The following CHCHD3 variants were observed in gnomAD, a reference collection of about 807,000 sequenced individuals.
CHCHD3 encodes MICOS complex subunit MIC19.
A neutral mutation model predicts 38.2 loss-of-function variants in CHCHD3; 20 were observed. The observed-to-expected ratio is 0.52, with a 90% CI of 0.37 to 0.76. The LOEUF is 0.76. Ranked by LOEUF, CHCHD3 falls within the 30% of genes least tolerant of loss-of-function variation. The probability of loss-of-function intolerance (pLI) is 0.00; values close to 1 mark genes in which losing one functional copy is unlikely to be tolerated. For synonymous variants in CHCHD3, 82 were observed against 100.0 expected (o/e 0.82, Z 1.07); for missense variants, 245 against 279.2 (o/e 0.88, Z 0.87).
intron 4 of CHCHD3, among the ~76,000 whole-genome samples, chr7:132,919,454 C>T (rs184738188): frequency 8.0e-4 from 122 of 152,266 alleles, no homozygotes; most frequent in Middle Eastern, 3.4e-3. Flanking sequence ...AATTGTCTGC[C>T]TTTCCTTGAC....
intron 6 of CHCHD3, chr7:132,813,381 A>G (rs1320631367): frequency 1.3e-5 from 2 of 152,238 alleles, no homozygotes; most frequent in African/African-American, 4.8e-5. Context: ...CACAGGATCT[A>G]GCATCTAAAA....
intron 2 of CHCHD3, among the ~76,000 whole-genome samples, chr7:133,026,577 T>A (rs1178202272): frequency 1.3e-5 from 2 of 152,178 alleles, no homozygotes; most frequent in Admixed American, 6.5e-5. Context: ...CATACATGAG[T>A]ATTTACAGTG....
intron 3 of CHCHD3, among the ~76,000 whole-genome samples, chr7:132,978,086 C>G (rs1396736826): frequency 6.6e-6 from 1 of 152,046 alleles, no homozygotes; most frequent in Admixed American, 6.6e-5. Flanking sequence ...AGTGTAATAC[C>G]TACCTTACAG....
At position 132,805,133 on chromosome 7, in the gene CHCHD3, C is replaced by T. The variant is rs541020240; in HGVS notation, c.525-8556G>A. On this transcript the variant is annotated intron_variant, in intron 6 of 7. Coordinates refer to ENST00000262570, the MANE Select transcript of CHCHD3 (RefSeq NM_017812.4). Reference sequence around the variant, plus strand: ...CTAGGAAGGGGGAGTAAAGGATGTGCAGGAACAAAGGGGAGGGGAGAGAAT... The same window carrying T: ...CTAGGAAGGGGGAGTAAAGGATGTGTAGGAACAAAGGGGAGGGGAGAGAAT... Among the ~76,000 whole-genome samples the T allele has an allele frequency of 5.9e-5, 9 of 152,244 alleles. No homozygotes were observed. The South Asian group carries it at 1.9e-3, about 32-fold the overall frequency.
intron 4 of CHCHD3, among the ~76,000 whole-genome samples, chr7:132,937,904 TAA>T (rs1234135669): frequency 1.3e-5 from 2 of 152,230 alleles, no homozygotes; most frequent in Non-Finnish European, 2.9e-5. Flanking sequence ...TTTCATTTGT[TAA>T]AAGACATTTC....
At chr7:132,873,205 C>T (rs1808808322) in intron 5 of CHCHD3, among the ~76,000 whole-genome samples, 1 of 151,998 alleles carries the variant, frequency 6.6e-6, no homozygotes, top group South Asian at 2.1e-4. Flanking sequence ...GAGGGAGAGG[C>T]CATTGGTGAG....
At position 132,800,606 on chromosome 7, in the gene CHCHD3, T is replaced by TA. The variant is rs1289933009; in HGVS notation, c.525-4030dup. Among the ~76,000 whole-genome samples, 13 of 152,246 alleles carry TA rather than the reference T, an allele frequency of 8.5e-5. No homozygotes were observed. In the East Asian group the frequency reaches 2.1e-3, roughly 25 times the overall value. ...TCACACCACTCTCCACTCAGAAGGC[T>TA]AAAAAAATCATGTAATGACAATCAG... is the stretch of plus-strand genomic sequence containing the variant. On this transcript the variant is annotated intron_variant, in intron 6 of 7. Coordinates refer to ENST00000262570, the MANE Select transcript of CHCHD3 (RefSeq NM_017812.4).
chr7:132,840,819 G>A (rs1348502612), intron 5 of CHCHD3, among the ~76,000 whole-genome samples: 2 of 152,070 alleles, frequency 1.3e-5, no homozygotes, highest in African/African-American at 2.4e-5. Flanking sequence ...ATACAAATTA[G>A]TCAGTTCCTC....
intron 4 of CHCHD3, among the ~76,000 whole-genome samples, chr7:132,955,146 G>A (rs1811127249): frequency 7.0e-6 from 1 of 143,002 alleles, no homozygotes; most frequent in Non-Finnish European, 1.5e-5. Flanking sequence ...CAACGTCAAG[G>A]TAGAAAGGAG....
intron 3 of CHCHD3, among the ~76,000 whole-genome samples, chr7:133,006,728 T>C (rs1237643166): frequency 1.3e-5 from 2 of 152,118 alleles, no homozygotes; most frequent in African/African-American, 4.8e-5. Flanking sequence ...TTCTAGGGAT[T>C]TACCCTAAGG....
At position 132,917,294 on chromosome 7, in the gene CHCHD3, C is replaced by CA. The variant is rs11329832; in HGVS notation, c.370-31550dup. 7.3e-3 allele frequency among the ~76,000 whole-genome samples: 1,075 copies of CA among 147,056 alleles called. 17 individuals are homozygous for CA. Among genetic ancestry groups the CA allele is most frequent in the East Asian group, 0.044 (218 of 4,990 alleles). ...CCCCCCTGCTGAAATTGAATTCTTA[C>CA]AAAAAAAAAAATTAATCCCATACTC... On this transcript the variant is annotated intron_variant, in intron 4 of 7. Transcript: ENST00000262570.
At chr7:132,939,120 A>G (rs1218407993) in intron 4 of CHCHD3, among the ~76,000 whole-genome samples, 1 of 152,206 alleles carries the variant, frequency 6.6e-6, no homozygotes, top group African/African-American at 2.4e-5. Flanking sequence ...CACATGTGTG[A>G]CAGTGGTCCC....
At position 132,893,340 on chromosome 7, in the gene CHCHD3, T is replaced by C. The variant is rs138791651; in HGVS notation, c.370-7595A>G. On this transcript the variant is annotated intron_variant, in intron 4 of 7. Transcript: ENST00000262570. ...GCCTCCTTATTTTGGCCAATTTCTCTGATTTGGAATGAGAGCGCTTACCCA... is the reference window on the plus strand; with the variant it reads ...GCCTCCTTATTTTGGCCAATTTCTCCGATTTGGAATGAGAGCGCTTACCCA... Among the ~76,000 whole-genome samples the C allele has an allele frequency of 6.6e-3, 1,002 of 152,302 alleles. 11 individuals are homozygous for C. Among genetic ancestry groups the C allele is most frequent in the African/African-American group, 0.022 (930 of 41,548 alleles).
intron 4 of CHCHD3, among the ~76,000 whole-genome samples, chr7:132,954,394 A>G (rs935845840): frequency 1.3e-5 from 2 of 152,178 alleles, no homozygotes; most frequent in Non-Finnish European, 2.9e-5. Context: ...TGGCCACGAC[A>G]CTAGACATTT....
In CHCHD3 at chr7:133,035,481, T is replaced by C; in HGVS notation, c.170-10854A>G. On this transcript the variant is annotated intron_variant, in intron 2 of 7. Transcript: ENST00000262570. This position sits in a 1 kb window ranked among gnomAD's most constrained non-coding sequence, Gnocchi z 4.7. ...TTCGCCCACCAGAAAAGTCCTCGTC[T>C]TCAAGTAAGCATCCAGCAGCCCCAG... The C allele has an allele frequency of 6.2e-7, 1 of 1,613,498 alleles. No individual in the cohort carries two copies. The highest frequency in any genetic ancestry group is 8.5e-7 in the Non-Finnish European group (1 of 1,179,472).
intron 4 of CHCHD3, among the ~76,000 whole-genome samples, chr7:132,958,160 A>G (rs1811227723): frequency 6.6e-6 from 1 of 152,204 alleles, no homozygotes; most frequent in African/African-American, 2.4e-5. Flanking sequence ...AGGGCTTATT[A>G]TAAACATCTC....
chr7:132,947,558 T>C (rs923034036), intron 4 of CHCHD3, among the ~76,000 whole-genome samples: 2 of 152,046 alleles, frequency 1.3e-5, no homozygotes, highest in African/African-American at 4.8e-5. Flanking sequence ...TTTTAATAAA[T>C]ATCAAGTTTT....
At chr7:133,005,873 G>T (rs1250977006) in intron 3 of CHCHD3, among the ~76,000 whole-genome samples, 1 of 152,178 alleles carries the variant, frequency 6.6e-6, no homozygotes, top group East Asian at 1.9e-4. Flanking sequence ...ATTTACGCCA[G>T]ATCTGCTGTG....
At chr7:132,870,410 T>C (rs1041072206) in intron 5 of CHCHD3, among the ~76,000 whole-genome samples, 1 of 151,762 alleles carries the variant, frequency 6.6e-6, no homozygotes, top group African/African-American at 2.4e-5. Flanking sequence ...TGTTTCCAGA[T>C]TCAATCCCTC....
Sources: gnomAD v4.1 joint callset for allele counts (sites outside exome capture counted in the v4.1 genomes callset) on GRCh38, gnomAD v4.1.1 for gene constraint, Gnocchi (gnomAD v3.1) non-coding constraint, MANE v1.5 for transcripts, NCBI Gene and HGNC (gene_info 2026-07-23, HGNC 2026-07-21) for gene names.